LAMA4: variants seen among roughly 807,000 people sequenced by gnomAD.
The protein encoded by LAMA4 is laminin subunit alpha 4.
In LAMA4, 127 loss-of-function variants were observed where a neutral mutation model predicts 207.1. The ratio of observed to expected loss-of-function variants is 0.61; its 90% CI spans 0.53 to 0.71. The LOEUF is 0.71. Among genes scored for constraint, LAMA4 ranks in the 30% least tolerant of loss-of-function variants. LAMA4 has a pLI of 0.00. For missense variants in LAMA4, 2,093 were observed against 2,246.5 expected (o/e 0.93, Z 1.38); for synonymous variants, 761 against 816.0 (o/e 0.93, Z 1.15).
At chr6:112,170,628 A>T (rs900832374) in intron 12 of LAMA4, among the ~76,000 whole-genome samples, 5 of 152,236 alleles carry the variant, frequency 3.3e-5, no homozygotes, top group Non-Finnish European at 7.3e-5. Flanking sequence ...TAAGGTTTTC[A>T]TTACATCAAC....
chr6:112,253,153 A>G (rs1787583963), intron 2 of LAMA4, among the ~76,000 whole-genome samples: 1 of 152,030 alleles, frequency 6.6e-6, no homozygotes, highest in Admixed American at 6.6e-5. Flanking sequence ...TTTCCCATGA[A>G]CTTAGGTGAC....
chr6:112,131,689 T>C (rs1262315320), intron 28 of LAMA4, among the ~76,000 whole-genome samples: 2 of 152,174 alleles, frequency 1.3e-5, no homozygotes, highest in East Asian at 1.9e-4. Context: ...AAAAGTGTTA[T>C]TTAACTAACC....
intron 31 of LAMA4, among the ~76,000 whole-genome samples, chr6:112,126,848 G>C (rs2114624090): frequency 6.6e-6 from 1 of 152,336 alleles, no homozygotes; most frequent in East Asian, 1.9e-4. Context: ...GTTGACAATA[G>C]TGTGGGACAA....
intron 31 of LAMA4, among the ~76,000 whole-genome samples, chr6:112,122,961 T>G (rs587608740): frequency 3.3e-5 from 5 of 152,260 alleles, no homozygotes; most frequent in African/African-American, 1.2e-4. Flanking sequence ...GTGGGTGGCA[T>G]GTAGTGGGGA....
intron 2 of LAMA4, among the ~76,000 whole-genome samples, chr6:112,248,293 G>A (rs1787149788): frequency 6.6e-6 from 1 of 152,118 alleles, no homozygotes; most frequent in Non-Finnish European, 1.5e-5. Flanking sequence ...AAGGTCAGGA[G>A]ATTGAGACCA....
intron 9 of LAMA4, among the ~76,000 whole-genome samples, chr6:112,184,533 A>G (rs1267600774): frequency 6.6e-6 from 1 of 151,978 alleles, no homozygotes; most frequent in Non-Finnish European, 1.5e-5. Context: ...TATTTTTCTC[A>G]ATATTTTTCT....
chr6:112,230,994 T>C (rs1373312784), intron 2 of LAMA4, among the ~76,000 whole-genome samples: 1 of 152,172 alleles, frequency 6.6e-6, no homozygotes, highest in Non-Finnish European at 1.5e-5. Context: ...CCACGCTTCT[T>C]GATGAGGATG....
At chr6:112,119,851 C>T (rs782819892) in intron 33 of LAMA4, among the ~76,000 whole-genome samples, 4 of 152,192 alleles carry the variant, frequency 2.6e-5, no homozygotes, top group African/African-American at 9.6e-5. Flanking sequence ...ATTGCTTACT[C>T]TTGACATTAC....
chr6:112,128,658 A>G (rs187268783), intron 31 of LAMA4, among the ~76,000 whole-genome samples: 99 of 152,326 alleles, frequency 6.5e-4, no homozygotes, highest in African/African-American at 2.3e-3. Context: ...ATTTTTGCAC[A>G]TTGTATACAT....
At chr6:112,239,621 G>A (rs1786231481) in intron 2 of LAMA4, among the ~76,000 whole-genome samples, 1 of 152,158 alleles carries the variant, frequency 6.6e-6, no homozygotes. Context: ...GACTACCTGG[G>A]TCTGTTCCAG....
At chr6:112,247,518 CAACAA>C (rs1787071398) in intron 2 of LAMA4, among the ~76,000 whole-genome samples, 1 of 152,066 alleles carries the variant, frequency 6.6e-6, no homozygotes, top group Non-Finnish European at 1.5e-5. Flanking sequence ...GAAAAAGACA[CAACAA>C]AACAAAACAA....
intron 17 of LAMA4, among the ~76,000 whole-genome samples, chr6:112,149,796 T>C (rs185449471): frequency 6.6e-6 from 1 of 152,168 alleles, no homozygotes; most frequent in Non-Finnish European, 1.5e-5. Context: ...GGCTTCTCCA[T>C]GAAGGACCAC....
At chr6:112,132,589 A>G (rs1360424056) in intron 28 of LAMA4, among the ~76,000 whole-genome samples, 164 bp downstream of exon 28, 3 of 152,220 alleles carry the variant, frequency 2.0e-5, no homozygotes, top group Non-Finnish European at 4.4e-5. Context: ...TATACAATAC[A>G]TAGAATATTT....
intron 6 of LAMA4, among the ~76,000 whole-genome samples, chr6:112,189,965 T>C (rs1270843727): frequency 1.3e-5 from 2 of 152,182 alleles, no homozygotes; most frequent in Admixed American, 1.3e-4. Context: ...TCTCTTACCA[T>C]CTATGCTAGC....
At chr6:112,115,829 T>G in intron 36 of LAMA4, 34 bp downstream of exon 36, 1 of 1,605,564 alleles carries the variant, frequency 6.2e-7, no homozygotes, top group Non-Finnish European at 8.5e-7. Flanking sequence ...CAAGGTCAGA[T>G]GAGACAAATT....
At chr6:112,163,104 T>C (rs1346423210) in intron 13 of LAMA4, among the ~76,000 whole-genome samples, 3 of 151,120 alleles carry the variant, frequency 2.0e-5, no homozygotes, top group East Asian at 2.0e-4. Flanking sequence ...CCTGAGCAGC[T>C]GGGACTGTAG....
intron 14 of LAMA4, among the ~76,000 whole-genome samples, chr6:112,157,621 G>C (rs1168928565): frequency 5.3e-5 from 8 of 152,154 alleles, no homozygotes; most frequent in Admixed American, 1.3e-4. Flanking sequence ...CTGGAACACT[G>C]TTTGTTGCAG....
Position 112,191,619 on chromosome 6 carries a change from T to C in LAMA4, c.718+17A>G. 6.3e-7 allele frequency: 1 copy of C among 1,588,120 alleles called. No homozygotes were observed. The highest frequency in any genetic ancestry group is 8.6e-7 in the Non-Finnish European group (1 of 1,156,708). On this transcript the variant is annotated intron_variant, in intron 6 of 38. Coordinates refer to ENST00000230538, the MANE Select transcript of LAMA4 (RefSeq NM_001105206.3). ...CATGCTGGCCAGGCAGCTGGCTTAGTATTTATGATACTGCACCTGCACAGT... is the reference window on the plus strand; with the variant it reads ...CATGCTGGCCAGGCAGCTGGCTTAGCATTTATGATACTGCACCTGCACAGT...
In LAMA4 at chr6:112,187,474, G is replaced by A. The variant is rs1385919209; in HGVS notation, c.942C>T (p.Ile314=). The A allele has an allele frequency of 6.2e-7, 1 of 1,614,120 alleles. No individual in the cohort carries two copies. The highest frequency in any genetic ancestry group is 2.2e-5 in the East Asian group (1 of 44,844). ...GAAAHRHVNE[I]NATIYLLKTK... ...CTTTGAGGAGGTAGATGGTGGCGTTGATTTCATTCACGTGCCTATGAGCGG... is the reference window on the plus strand; with the variant it reads ...CTTTGAGGAGGTAGATGGTGGCGTTAATTTCATTCACGTGCCTATGAGCGG... Residue 314 remains isoleucine (I), a synonymous_variant, in exon 8 of 39, where the codon ATC becomes ATT. Coordinates refer to ENST00000230538, the MANE Select transcript of LAMA4 (RefSeq NM_001105206.3).
Sources: allele counts gnomAD v4.1 joint callset (sites outside exome capture counted in the v4.1 genomes callset), GRCh38; gene constraint gnomAD v4.1.1; transcripts MANE v1.5; gene names NCBI Gene and HGNC (gene_info 2026-07-23, HGNC 2026-07-21).